TRAPPC10: variants seen among roughly 807,000 people sequenced by gnomAD.
TRAPPC10 encodes trafficking protein particle complex subunit 10.
In TRAPPC10, 23 loss-of-function variants were observed where a neutral mutation model predicts 125.5. The ratio of observed to expected loss-of-function variants is 0.18; its 90% CI spans 0.13 to 0.26. The LOEUF (loss-of-function observed/expected upper bound fraction) is 0.26. TRAPPC10 is among the 10% of genes least tolerant of loss of function. TRAPPC10 has a pLI of 1.00. For synonymous variants in TRAPPC10, 509 were observed against 518.0 expected, an observed-to-expected ratio of 0.98 and a Z score of 0.24; for missense variants, 1,123 against 1,308.4, an observed-to-expected ratio of 0.86 and a Z score of 2.19.
rs377030395 is a variant in TRAPPC10 at position 44,037,855 on chromosome 21, G to A, written c.213G>A (p.Glu71=). 2.2e-5 allele frequency: 35 copies of A among 1,614,052 alleles called. No individual in the cohort carries two copies. The African/African-American group carries it at 4.1e-4, about 19-fold the overall frequency. The stretch of plus-strand genomic sequence containing the variant: ...CTAACTTTGTTCAATTCAAAGAGGA[G>A]CTGCTGCCCAAAGAAGGAAACAAAG... The part of the protein sequence containing the change: ...LESNFVQFKE[E]LLPKEGNKAL... The change falls in exon 3 of 23, where the codon GAG becomes GAA. Residue 71 remains glutamate (E), a synonymous_variant. Coordinates refer to ENST00000291574, the MANE Select transcript of TRAPPC10 (RefSeq NM_003274.5).
intron 7 of TRAPPC10, among the ~76,000 whole-genome samples, chr21:44,068,678 G>A (rs549605781): frequency 3.3e-5 from 5 of 152,096 alleles, no homozygotes; most frequent in South Asian, 2.1e-4. Flanking sequence ...TTGGCTCATT[G>A]TAGCCTCCGC....
rs895609498 is a variant in TRAPPC10, at chr21:44,050,517, T to C, written c.286-1763T>C. Among the ~76,000 whole-genome samples, 6 of 152,266 alleles carry C rather than the reference T, an allele frequency of 3.9e-5. No homozygotes were observed. The East Asian group carries it at 1.2e-3, about 29-fold the overall frequency. On this transcript the variant is annotated intron_variant, in intron 3 of 22. Transcript: ENST00000291574. ...CGTGTGGATGGGGTCAGCCGGGTGC[T>C]ATGTGTATTTTCTTGGCAGTCACAG...
At chr21:44,047,290 C>A (rs1466492430) in intron 3 of TRAPPC10, among the ~76,000 whole-genome samples, 1 of 152,188 alleles carries the variant, frequency 6.6e-6, no homozygotes, top group Non-Finnish European at 1.5e-5. Flanking sequence ...TCAAGCGATT[C>A]TTGTGCCTCA....
Position 44,059,871 on chromosome 21 carries a change from T to C in TRAPPC10, c.790+657T>C, listed in dbSNP as rs532875746. 8.9e-6 allele frequency: 2 copies of C among 223,840 alleles called. No individual in the cohort carries two copies. The highest frequency in any genetic ancestry group is 1.7e-5 in the Non-Finnish European group (2 of 115,080). The allele number at this position is 223,840 out of a possible 1,614,324, so 13.9% of individuals were successfully genotyped here. On this transcript the variant is annotated intron_variant, in intron 6 of 22. Transcript: ENST00000291574. This position sits in a 1 kb window ranked among gnomAD's most constrained non-coding sequence, Gnocchi z 4.4. ...GGGTTTGGAGTTGTTTTTGTTACAA[T>C]TGGTATTCCTGGCTTGATTCCATTA...
intron 1 of TRAPPC10, among the ~76,000 whole-genome samples, chr21:44,026,492 G>C (rs2033084937): frequency 6.6e-6 from 1 of 152,224 alleles, no homozygotes; most frequent in South Asian, 2.1e-4. Flanking sequence ...GAAGAGAAAT[G>C]AATGTATGGC....
At chr21:44,080,729 G>A (rs1039441627) in intron 13 of TRAPPC10, among the ~76,000 whole-genome samples, 10 of 151,986 alleles carry the variant, frequency 6.6e-5, no homozygotes, top group African/African-American at 2.4e-4. Flanking sequence ...AGTAGAGACA[G>A]TGTTTTGCTC....
chr21:44,064,757 G>T (rs534626678), intron 7 of TRAPPC10, among the ~76,000 whole-genome samples: 113 of 152,088 alleles, frequency 7.4e-4, no homozygotes, highest in African/African-American at 2.7e-4. Context: ...TTAATGAAGA[G>T]AAATATATTT....
intron 1 of TRAPPC10, among the ~76,000 whole-genome samples, chr21:44,023,130 T>G (rs1411858136): frequency 3.4e-5 from 5 of 147,114 alleles, no homozygotes; most frequent in African/African-American, 1.3e-4. Context: ...CCTCCCGGGT[T>G]CACGCCATTC....
intron 4 of TRAPPC10, among the ~76,000 whole-genome samples, chr21:44,052,689 A>T (rs753758082): frequency 6.6e-6 from 1 of 151,180 alleles, no homozygotes; most frequent in Non-Finnish European, 1.5e-5. Context: ...GCCTGGGAGG[A>T]GCGGGTCTTG....
At chr21:44,025,164 G>A (rs2032927704) in intron 1 of TRAPPC10, among the ~76,000 whole-genome samples, 1 of 152,224 alleles carries the variant, frequency 6.6e-6, no homozygotes, top group Non-Finnish European at 1.5e-5. Context: ...TGCAGGGCGG[G>A]TTGCTGGGCT....
intron 1 of TRAPPC10, among the ~76,000 whole-genome samples, chr21:44,024,749 A>G (rs2032889256): frequency 1.3e-5 from 2 of 152,202 alleles, no homozygotes; most frequent in Admixed American, 6.5e-5. Flanking sequence ...TTATAACTAT[A>G]TAAAATATTT....
Position 44,059,737 on chromosome 21 carries a change from C to A in TRAPPC10, c.790+523C>A. 2.2e-6 allele frequency: 1 copy of A among 462,776 alleles called. No individual in the cohort carries two copies. The highest frequency in any genetic ancestry group is 5.5e-5 in the South Asian group (1 of 18,278). The allele number at this position is 462,776 out of a possible 1,614,324, so 28.7% of individuals were successfully genotyped here. A position where few individuals can be genotyped will look rare whatever the true frequency, so the allele number is the denominator to read the frequency against. Reference sequence around the variant, plus strand: ...ATTGGTTATTGTCCTCAGTGTTTTTCGCTGATACTTATTTTGATGAAAGTG... The same window carrying A: ...ATTGGTTATTGTCCTCAGTGTTTTTAGCTGATACTTATTTTGATGAAAGTG... On this transcript the variant is annotated intron_variant, in intron 6 of 22. Transcript: ENST00000291574. The surrounding 1 kb of genome is among the most constrained non-coding windows in gnomAD (Gnocchi z 4.4).
rs200838093 is a variant in TRAPPC10, at chr21:44,089,930, C to A, written c.2867C>A (p.Thr956Lys). The stretch of plus-strand genomic sequence containing the variant: ...ACACACAGCCTCCTGTCCTCAGGAA[C>A]ACGGTAACGGAGGCGTAGCGTGCGG... ...RTTHSLLSSG[T>K]RKYVQVCVQN... is the part of the protein sequence containing the mutation. The change falls in exon 18 of 23, where the codon ACA becomes AAA. Residue 956 changes from threonine to lysine, a missense_variant. Physicochemically the swap from Thr to Lys is moderately conservative, Grantham distance 78 (BLOSUM62 -1). Transcript: ENST00000291574. The A allele has an allele frequency of 6.2e-7, 1 of 1,612,808 alleles. No individual in the cohort carries two copies. The highest frequency in any genetic ancestry group is 1.3e-5 in the African/African-American group (1 of 75,002).
intron 1 of TRAPPC10, among the ~76,000 whole-genome samples, chr21:44,029,572 G>A (rs1255235928): frequency 6.6e-6 from 1 of 152,104 alleles, no homozygotes; most frequent in African/African-American, 2.4e-5. Flanking sequence ...GTTAGAATTG[G>A]GCCTTCAAAT....
chr21:44,030,916 T>A (rs2033523933), intron 1 of TRAPPC10, among the ~76,000 whole-genome samples: 1 of 152,216 alleles, frequency 6.6e-6, no homozygotes, highest in African/African-American at 2.4e-5. Context: ...GACTGACGTG[T>A]CTTGTCTCAT....
At chr21:44,090,802 T>C (rs2038522995) in intron 18 of TRAPPC10, among the ~76,000 whole-genome samples, 2 of 152,216 alleles carry the variant, frequency 1.3e-5, no homozygotes. Flanking sequence ...AATGGAACAT[T>C]ATACTAGCAG....
At chr21:44,043,231 T>G (rs1039921975) in intron 3 of TRAPPC10, among the ~76,000 whole-genome samples, 102 of 104,996 alleles carry the variant, frequency 9.7e-4, no homozygotes, top group African/African-American at 5.8e-3. Context: ...TTTTTTTTTT[T>G]GGGATGGAGT....
At chr21:44,018,483 G>C (rs1220878242) in intron 1 of TRAPPC10, among the ~76,000 whole-genome samples, 1 of 152,150 alleles carries the variant, frequency 6.6e-6, no homozygotes, top group Middle Eastern at 3.2e-3. Context: ...GGTGGATCAT[G>C]AGGTCAAGAG....
intron 7 of TRAPPC10, among the ~76,000 whole-genome samples, chr21:44,073,765 T>C (rs1321452428): frequency 1.3e-5 from 2 of 152,180 alleles, no homozygotes; most frequent in South Asian, 2.1e-4. Flanking sequence ...AACATAAATA[T>C]ACTGTCTTTA....
Sources: allele counts gnomAD v4.1 joint callset (sites outside exome capture counted in the v4.1 genomes callset), GRCh38; gene constraint gnomAD v4.1.1; non-coding constraint Gnocchi (gnomAD v3.1); transcripts MANE v1.5; gene names NCBI Gene and HGNC (gene_info 2026-07-23, HGNC 2026-07-21).